SMYD3: variants seen among roughly 807,000 people sequenced by gnomAD.
SMYD3 encodes the protein SET and MYND domain containing 3, also known as histone-lysine N-methyltransferase SMYD3.
In SMYD3, 36 loss-of-function variants were observed where a neutral mutation model predicts 57.7. The ratio of observed to expected loss-of-function variants is 0.62; its 90% CI spans 0.48 to 0.82. The LOEUF (loss-of-function observed/expected upper bound fraction) is 0.82, where lower values mean the gene tolerates loss of function less well. Ranked by LOEUF, SMYD3 falls within the 40% of genes least tolerant of loss-of-function variation. The probability of loss-of-function intolerance (pLI) is 0.00; values close to 1 mark genes in which losing one functional copy is unlikely to be tolerated. For missense variants in SMYD3, 515 were observed against 538.8 expected (o/e 0.96, Z 0.44); for synonymous variants, 211 against 195.0 (o/e 1.08, Z -0.68).
chr1:246,328,055 G>A (rs530983802), intron 4 of SMYD3, among the ~76,000 whole-genome samples: 12 of 152,148 alleles, frequency 7.9e-5, no homozygotes, highest in African/African-American at 2.4e-4. Flanking sequence ...TCAGCAGGGC[G>A]TGGTGGTGTG....
intron 1 of SMYD3, among the ~76,000 whole-genome samples, chr1:246,479,843 T>A (rs1558483708): frequency 6.6e-6 from 1 of 152,172 alleles, no homozygotes; most frequent in Non-Finnish European, 1.5e-5. Context: ...GGTTCTCTGC[T>A]GTATCTTCAG....
At chr1:246,182,474 C>T (rs952926225) in intron 5 of SMYD3, among the ~76,000 whole-genome samples, 5 of 152,084 alleles carry the variant, frequency 3.3e-5, no homozygotes, top group Admixed American at 1.3e-4. Context: ...GAAGTGATAA[C>T]GTCACAGGCT....
intron 10 of SMYD3, among the ~76,000 whole-genome samples, chr1:245,791,429 G>A (rs1301410124): frequency 3.3e-5 from 5 of 152,066 alleles, no homozygotes; most frequent in African/African-American, 1.2e-4. Flanking sequence ...GAAATGGCAG[G>A]AGTCTCAAAC....
intron 1 of SMYD3, among the ~76,000 whole-genome samples, chr1:246,447,548 G>A (rs2067567197): frequency 6.6e-6 from 1 of 152,224 alleles, no homozygotes; most frequent in African/African-American, 2.4e-5. Flanking sequence ...CGCACCTGAA[G>A]TTGTCTCACC....
intron 1 of SMYD3, among the ~76,000 whole-genome samples, chr1:246,463,684 A>AAC (rs2067838884): frequency 2.2e-5 from 3 of 136,134 alleles, no homozygotes; most frequent in East Asian, 2.1e-4. Context: ...AAAAAAAAAA[A>AAC]CATTAGCTGG....
chr1:246,481,554 C>G (rs2068100066), intron 1 of SMYD3, among the ~76,000 whole-genome samples: 1 of 132,646 alleles, frequency 7.5e-6, no homozygotes, highest in Non-Finnish European at 1.6e-5. Flanking sequence ...TCCTGGGTCT[C>G]TAACTTGCAG....
Position 246,119,734 on chromosome 1 carries a change from ACTCT to A in SMYD3, c.532-189801_532-189798del, listed in dbSNP as rs201542210. Among the ~76,000 whole-genome samples, 1,048 of 151,500 alleles carry A rather than the reference ACTCT, an allele frequency of 6.9e-3. 7 individuals carry two copies. The highest frequency in any genetic ancestry group is 0.014 in the Middle Eastern group (4 of 294). ...GGCCTAAAACACTCACTCTTGAACA[ACTCT>A]CTATCACCTACCAGAAGTTCTAAGC... On this transcript the variant is annotated intron_variant, in intron 5 of 11. Transcript: ENST00000490107.
intron 5 of SMYD3, among the ~76,000 whole-genome samples, chr1:245,950,490 C>G (rs902932172): frequency 6.6e-5 from 10 of 152,230 alleles, no homozygotes; most frequent in African/African-American, 2.4e-4. Context: ...CCCTGAACGT[C>G]TGACCACCCC....
Position 245,929,906 on chromosome 1 carries a change from G to T in SMYD3, c.563C>A (p.Ala188Glu). ...VICNSFTICN[A>E]EMQEVGVGLY... ...GCCAACACCAACTTCCTGCATCTCC[G>T]CATTACAGATGGTGAAAGAGTTGCA... is the stretch of plus-strand genomic sequence containing the variant. Residue 188 changes from alanine to glutamate, a missense_variant, in exon 6 of 12, where the codon GCG (alanine) becomes GAG (glutamate). Physicochemically the swap from Ala to Glu is moderately radical, Grantham distance 107. Coordinates refer to ENST00000490107, the MANE Select transcript of SMYD3 (RefSeq NM_001167740.2). The T allele has an allele frequency of 1.9e-6, 3 of 1,613,622 alleles. No individual in the cohort carries two copies. Among genetic ancestry groups the T allele is most frequent in the Middle Eastern group, 1.7e-4 (1 of 6,058 alleles).
intron 5 of SMYD3, among the ~76,000 whole-genome samples, chr1:246,299,949 C>G (rs1044157748): frequency 4.6e-5 from 7 of 151,356 alleles, no homozygotes; most frequent in African/African-American, 1.7e-4. Context: ...ATCTGTACGA[C>G]AAACCCTCAT....
At chr1:245,890,610 G>T (rs9729295) in intron 8 of SMYD3, among the ~76,000 whole-genome samples, 2 of 152,092 alleles carry the variant, frequency 1.3e-5, no homozygotes, top group South Asian at 4.1e-4. Flanking sequence ...GGGAACCCTC[G>T]CACACTATTG....
intron 3 of SMYD3, among the ~76,000 whole-genome samples, chr1:246,333,597 C>A (rs1287974553): frequency 6.6e-6 from 1 of 152,080 alleles, no homozygotes; most frequent in Non-Finnish European, 1.5e-5. Context: ...AAAGGGCCAC[C>A]ACAGTGGCTC....
At chr1:246,265,089 G>T (rs535352028) in intron 5 of SMYD3, among the ~76,000 whole-genome samples, 3 of 152,136 alleles carry the variant, frequency 2.0e-5, no homozygotes, top group African/African-American at 7.2e-5. Flanking sequence ...AATTGCTCTT[G>T]CACTGTTCTT....
At chr1:246,141,798 C>T (rs2061761143) in intron 5 of SMYD3, among the ~76,000 whole-genome samples, 1 of 152,226 alleles carries the variant, frequency 6.6e-6, no homozygotes, top group Non-Finnish European at 1.5e-5. Context: ...GCACTAGTTG[C>T]TGTTTAAACC....
intron 1 of SMYD3, among the ~76,000 whole-genome samples, chr1:246,494,692 CAA>C (rs1297430271): frequency 1.3e-5 from 2 of 152,202 alleles, no homozygotes; most frequent in African/African-American, 4.8e-5. Flanking sequence ...TACTTTCTAA[CAA>C]GACGTAAACA....
chr1:246,188,342 G>A (rs1331078753), intron 5 of SMYD3, among the ~76,000 whole-genome samples: 1 of 152,146 alleles, frequency 6.6e-6, no homozygotes, highest in South Asian at 2.1e-4. Context: ...TGTGCAGTAT[G>A]GCCCCAGTTC....
At chr1:246,348,060 T>TTTTATATATATATATATA (rs1553336532) in intron 2 of SMYD3, among the ~76,000 whole-genome samples, 1 of 83,010 alleles carries the variant, frequency 1.2e-5, no homozygotes, top group Non-Finnish European at 2.7e-5. Context: ...AAAGAAAACG[T>TTTTATATATATATATATA]TATATATATA....
At chr1:246,400,502 C>G (rs1461061271) in intron 1 of SMYD3, among the ~76,000 whole-genome samples, 4 of 152,210 alleles carry the variant, frequency 2.6e-5, no homozygotes, top group African/African-American at 9.6e-5. Context: ...TCCCAAGTAA[C>G]TGGGATTACC....
At chr1:246,314,684 T>C (rs574676086) in intron 5 of SMYD3, among the ~76,000 whole-genome samples, 2 of 152,110 alleles carry the variant, frequency 1.3e-5, no homozygotes, top group Middle Eastern at 3.2e-3. Flanking sequence ...TACTCAAATA[T>C]GTAATACAGC....
Sources: allele counts gnomAD v4.1 joint callset (sites outside exome capture counted in the v4.1 genomes callset), GRCh38; gene constraint gnomAD v4.1.1; transcripts MANE v1.5; gene names NCBI Gene and HGNC (gene_info 2026-07-23, HGNC 2026-07-21).